ADAMTS17: variants seen among roughly 807,000 people sequenced by gnomAD.
ADAMTS17 encodes A disintegrin and metalloproteinase with thrombospondin motifs 17.
ADAMTS17 carries 113 observed loss-of-function variants against 141.5 expected under a neutral mutation model. That is an observed-to-expected ratio of 0.80 (90% CI 0.69 to 0.93). ADAMTS17 has a LOEUF of 0.93. Among genes scored for constraint, ADAMTS17 ranks in the 40% least tolerant of loss-of-function variants. ADAMTS17 has a pLI of 0.00. For synonymous variants in ADAMTS17, 768 were observed against 630.6 expected (o/e 1.22, Z -3.27); for missense variants, 1,659 against 1,517.9 (o/e 1.09, Z -1.54).
At chr15:100,261,362 C>G in intron 6 of ADAMTS17, 117 bp downstream of exon 6, 2 of 1,428,332 alleles carry the variant, frequency 1.4e-6, no homozygotes, top group Non-Finnish European at 1.9e-6. Flanking sequence ...AAAACCCAGA[C>G]AGGTGGCCCA....
chr15:100,143,652 A>G (rs2038762816), intron 10 of ADAMTS17, among the ~76,000 whole-genome samples: 1 of 152,234 alleles, frequency 6.6e-6, no homozygotes, highest in African/African-American at 2.4e-5. Flanking sequence ...GAGCCTTACA[A>G]TACTAGCATT....
intron 18 of ADAMTS17, among the ~76,000 whole-genome samples, chr15:100,038,565 A>G (rs1477304490): frequency 1.3e-5 from 2 of 152,222 alleles, no homozygotes; most frequent in African/African-American, 2.4e-5. Context: ...AATTTATTCC[A>G]AAGTATTTTA....
At chr15:100,325,868 T>C (rs1471104887) in intron 3 of ADAMTS17, among the ~76,000 whole-genome samples, 1 of 152,242 alleles carries the variant, frequency 6.6e-6, no homozygotes. Flanking sequence ...AATAGCCATC[T>C]GCAAGCCAAG....
At chr15:100,198,089 G>A (rs1271331872) in intron 8 of ADAMTS17, among the ~76,000 whole-genome samples, 1 of 152,142 alleles carries the variant, frequency 6.6e-6, no homozygotes, top group Non-Finnish European at 1.5e-5. Flanking sequence ...AGGTTGATGG[G>A]TGCAGCAAAC....
chr15:100,042,698 C>A (rs2031356298), intron 18 of ADAMTS17, among the ~76,000 whole-genome samples: 1 of 152,124 alleles, frequency 6.6e-6, no homozygotes, highest in African/African-American at 2.4e-5. Flanking sequence ...TGAGTGACAA[C>A]CAGCAGGGAG....
At chr15:100,250,262 C>T (rs1412568899) in intron 7 of ADAMTS17, among the ~76,000 whole-genome samples, 2 of 152,056 alleles carry the variant, frequency 1.3e-5, no homozygotes. Context: ...TGTTATATAC[C>T]AAATTACACA....
chr15:100,094,062 T>C (rs2035621661), intron 15 of ADAMTS17, among the ~76,000 whole-genome samples: 1 of 150,932 alleles, frequency 6.6e-6, no homozygotes. Flanking sequence ...GGGCTCGTGG[T>C]CACAGACTCC....
At chr15:100,104,890 A>G (rs1211737561) in intron 14 of ADAMTS17, among the ~76,000 whole-genome samples, 7 of 152,234 alleles carry the variant, frequency 4.6e-5, no homozygotes, top group Non-Finnish European at 1.0e-4. Flanking sequence ...CATAAGTACT[A>G]TATTTGAATT....
At chr15:100,072,292 G>A (rs2034031371) in intron 15 of ADAMTS17, among the ~76,000 whole-genome samples, 1 of 148,602 alleles carries the variant, frequency 6.7e-6, no homozygotes, top group Non-Finnish European at 1.5e-5. Context: ...CCATGCTCAT[G>A]GGTAGGAAGA....
At chr15:100,109,252 T>C (rs1339735298) in intron 13 of ADAMTS17, 136 bp from the exon 14 acceptor site, 9 of 551,066 alleles carry the variant, frequency 1.6e-5, no homozygotes, top group African/African-American at 3.8e-5. Flanking sequence ...TGAGCTCAGG[T>C]ACGCGCTCCA....
intron 21 of ADAMTS17, among the ~76,000 whole-genome samples, chr15:99,975,317 C>T (rs1294572592): frequency 1.3e-5 from 2 of 152,240 alleles, no homozygotes; most frequent in Non-Finnish European, 2.9e-5. Context: ...TCAAGCGATT[C>T]TCCTGCCTCA....
At chr15:100,332,200 A>C (rs1385296611) in intron 2 of ADAMTS17, among the ~76,000 whole-genome samples, 1 of 152,256 alleles carries the variant, frequency 6.6e-6, no homozygotes, top group East Asian at 1.9e-4. Flanking sequence ...GTGGCACTGC[A>C]TGACCTGCAG....
chr15:100,318,480 A>C (rs1424447084), intron 3 of ADAMTS17, among the ~76,000 whole-genome samples: 1 of 152,076 alleles, frequency 6.6e-6, no homozygotes, highest in Non-Finnish European at 1.5e-5. Flanking sequence ...CCCTTCCCCC[A>C]GGTGAGGACA....
intron 20 of ADAMTS17, among the ~76,000 whole-genome samples, chr15:99,977,720 T>C (rs948589093): frequency 6.6e-6 from 1 of 151,890 alleles, no homozygotes; most frequent in Non-Finnish European, 1.5e-5. Context: ...CTGGTGTCTC[T>C]TCACACTCCT....
At chr15:100,150,771 C>G (rs1462294514) in intron 10 of ADAMTS17, among the ~76,000 whole-genome samples, 2 of 152,202 alleles carry the variant, frequency 1.3e-5, no homozygotes, top group African/African-American at 4.8e-5. Context: ...AGAGTGACCA[C>G]TCTGTCCCTT....
At chr15:100,155,148 C>G in intron 9 of ADAMTS17, 32 bp downstream of exon 9, 2 of 1,614,130 alleles carry the variant, frequency 1.2e-6, no homozygotes. Context: ...CTTTTGATTG[C>G]ATTCATCCTA....
intron 4 of ADAMTS17, among the ~76,000 whole-genome samples, chr15:100,275,718 G>A (rs1341145105): frequency 6.6e-6 from 1 of 152,022 alleles, no homozygotes; most frequent in Non-Finnish European, 1.5e-5. Context: ...GCAGTAAGGT[G>A]GAAGCACTTT....
chr15:100,100,997 G>A (rs993544018), intron 14 of ADAMTS17, among the ~76,000 whole-genome samples: 2 of 152,014 alleles, frequency 1.3e-5, no homozygotes, highest in East Asian at 3.9e-4. Context: ...TTGTTTCCTG[G>A]GATCTACTTG....
intron 8 of ADAMTS17, among the ~76,000 whole-genome samples, chr15:100,194,860 C>T (rs55816836): frequency 3.9e-4 from 60 of 152,262 alleles, no homozygotes; most frequent in Non-Finnish European, 7.2e-4. Flanking sequence ...CAAGGATCAG[C>T]GGGTAAAAGA....
Sources: allele counts gnomAD v4.1 joint callset (sites outside exome capture counted in the v4.1 genomes callset), GRCh38; gene constraint gnomAD v4.1.1; transcripts MANE v1.5; gene names NCBI Gene and HGNC (gene_info 2026-07-23, HGNC 2026-07-21).